ZCCHC17: variants seen among roughly 807,000 people sequenced by gnomAD.
ZCCHC17 encodes the protein zinc finger CCHC-type containing 17.
ZCCHC17 carries 18 observed loss-of-function variants against 30.6 expected under a neutral mutation model. The observed-to-expected ratio is 0.59, with a 90% CI of 0.41 to 0.87. The LOEUF is 0.87. Among genes scored for constraint, ZCCHC17 ranks in the 40% least tolerant of loss-of-function variants. The pLI, the probability that ZCCHC17 is intolerant of heterozygous loss-of-function variation, is 0.00. For missense variants in ZCCHC17, 263 were observed against 284.2 expected, an observed-to-expected ratio of 0.93 and a Z score of 0.54; for synonymous variants, 88 against 92.4, an observed-to-expected ratio of 0.95 and a Z score of 0.27.
chr1:31,346,745 G>C lies in ZCCHC17; in HGVS notation c.418+5G>C, dbSNP rs1332904233. ...GCAAGAAGTGTGGCTGTAAAGGTAG[G>C]GTGAAGCCTCTGCCCTTTCCACGTT... On this transcript the variant is annotated splice_donor_5th_base_variant and intron_variant, in intron 6 of 7. Coordinates refer to ENST00000344147, the MANE Select transcript of ZCCHC17 (RefSeq NM_016505.4). 6.2e-7 allele frequency: 1 copy of C among 1,614,132 alleles called. No homozygotes were observed. The highest frequency in any genetic ancestry group is 2.2e-5 in the East Asian group (1 of 44,876).
chr1:31,342,521 C>T lies in ZCCHC17; in HGVS notation c.317+3473C>T, dbSNP rs77850950. ...GGAATGGTTTTGGGATGAAACCGTT[C>T]CACCTTAGATCATCAGGCATTAAAT... is the stretch of plus-strand genomic sequence containing the variant. On this transcript the variant is annotated intron_variant, in intron 5 of 7. Transcript: ENST00000344147. 8.5e-3 allele frequency among the ~76,000 whole-genome samples: 1,294 copies of T among 152,288 alleles called. 8 individuals carry two copies. Among genetic ancestry groups the T allele is most frequent in the Middle Eastern group, 0.014 (4 of 294 alleles).
intron 1 of ZCCHC17, among the ~76,000 whole-genome samples, chr1:31,304,408 C>T (rs550701939): frequency 4.5e-4 from 69 of 151,910 alleles, no homozygotes; most frequent in African/African-American, 1.7e-3. Context: ...CTCAGTCTCC[C>T]GAGTAGCTGG....
At chr1:31,340,517 A>G (rs1245217730) in intron 5 of ZCCHC17, among the ~76,000 whole-genome samples, 5 of 151,954 alleles carry the variant, frequency 3.3e-5, no homozygotes, top group Admixed American at 2.0e-4. Flanking sequence ...GGGTTTCTCT[A>G]TGTTGGTCGG....
At chr1:31,314,552 T>C (rs933556525) in intron 2 of ZCCHC17, among the ~76,000 whole-genome samples, 1 of 152,110 alleles carries the variant, frequency 6.6e-6, no homozygotes, top group African/African-American at 2.4e-5. Flanking sequence ...ATAGGGAGAC[T>C]CTTCTCAGAA....
intron 5 of ZCCHC17, among the ~76,000 whole-genome samples, chr1:31,339,766 AAG>A (rs1484738328): frequency 6.6e-6 from 1 of 152,086 alleles, no homozygotes; most frequent in African/African-American, 2.4e-5. Flanking sequence ...GACCACGTGG[AAG>A]GGTAGAGTAA....
At chr1:31,313,558 G>A (rs1265754397) in intron 2 of ZCCHC17, among the ~76,000 whole-genome samples, 2 of 152,188 alleles carry the variant, frequency 1.3e-5, no homozygotes, top group Admixed American at 1.3e-4. Context: ...ATCCCAACTT[G>A]TAATATAACA....
chr1:31,337,062 T>C, intron 3 of ZCCHC17, 113 bp from the exon 4 acceptor site: 1 of 945,596 alleles, frequency 1.1e-6, no homozygotes, highest in East Asian at 2.6e-5. Flanking sequence ...CGCTTTTCAG[T>C]AAAAATTTTC....
intron 7 of ZCCHC17, among the ~76,000 whole-genome samples, chr1:31,349,367 T>C (rs1316454147): frequency 6.6e-6 from 1 of 152,208 alleles, no homozygotes; most frequent in Non-Finnish European, 1.5e-5. Flanking sequence ...TTTTCTTTTT[T>C]TGAGACAGGG....
intron 1 of ZCCHC17, among the ~76,000 whole-genome samples, chr1:31,306,878 A>G (rs941135127): frequency 2.0e-5 from 3 of 151,542 alleles, no homozygotes; most frequent in African/African-American, 4.9e-5. Flanking sequence ...TTGCTCTGTC[A>G]CCAGGCTAGA....
In ZCCHC17 at chr1:31,364,070, T is replaced by A; in HGVS notation, c.603T>A (p.Ser201=). The change falls in exon 8 of 8, where the codon TCT becomes TCA. Residue 201 remains serine, a synonymous_variant. Coordinates refer to ENST00000344147, the MANE Select transcript of ZCCHC17 (RefSeq NM_016505.4). ...KKKKHRDRKS[S]DSDSSDSESD... Reference sequence around the variant, plus strand: ...AGAAACATAGAGATAGGAAGTCATCTGACTCTGACAGCTCAGACTCTGAGA... The same window carrying A: ...AGAAACATAGAGATAGGAAGTCATCAGACTCTGACAGCTCAGACTCTGAGA... The A allele has an allele frequency of 6.2e-7, 1 of 1,613,762 alleles. No individual in the cohort carries two copies.
chr1:31,311,723 G>A (rs1253231485), intron 2 of ZCCHC17, among the ~76,000 whole-genome samples: 1 of 152,232 alleles, frequency 6.6e-6, no homozygotes, highest in African/African-American at 2.4e-5. Context: ...CCATTCATGA[G>A]GGGCCTAAGG....
rs368137798 is a variant in ZCCHC17, at chr1:31,310,180, CT to C, written c.66+19del. On this transcript the variant is annotated intron_variant, in intron 2 of 7. Coordinates refer to ENST00000344147, the MANE Select transcript of ZCCHC17 (RefSeq NM_016505.4). ...CCAAGGAGAGGTATATTCTTTTGTG[CT>C]TTGAAAACCCACCATTTATGTTAAA... The C allele has an allele frequency of 1.5e-3, 2,398 of 1,612,854 alleles. 28 individuals are homozygous for C. The African/African-American group carries it at 0.028, about 19-fold the overall frequency.
chr1:31,334,872 T>G (rs1638751168), intron 3 of ZCCHC17, among the ~76,000 whole-genome samples: 1 of 152,216 alleles, frequency 6.6e-6, no homozygotes, highest in South Asian at 2.1e-4. Flanking sequence ...AAAAATACAT[T>G]GAATATTTTG....
rs1043257968 is a variant in ZCCHC17 at position 31,297,071 on chromosome 1, G to T, written c.-60G>T. On this transcript the variant is annotated 5_prime_UTR_variant, in exon 1 of 8. Coordinates refer to ENST00000344147, the MANE Select transcript of ZCCHC17 (RefSeq NM_016505.4). ...AGCGACTCGGGGACCTGGAGCTGAC[G>T]CCTAGTACGTATGAGGAAGAACGGG... 4.6e-6 allele frequency: 2 copies of T among 437,622 alleles called. No homozygotes were observed. Among genetic ancestry groups the T allele is most frequent in the East Asian group, 3.5e-5 (1 of 28,970 alleles). The allele number at this position is 437,622 out of a possible 1,614,324, so 27.1% of individuals were successfully genotyped here.
intron 3 of ZCCHC17, among the ~76,000 whole-genome samples, chr1:31,327,356 C>T (rs1638395839): frequency 1.3e-5 from 2 of 152,240 alleles, no homozygotes; most frequent in Non-Finnish European, 2.9e-5. Flanking sequence ...GGTTCCATGA[C>T]CACCTACTTA....
chr1:31,347,980 C>G (rs952702789), intron 6 of ZCCHC17, among the ~76,000 whole-genome samples: 5 of 151,022 alleles, frequency 3.3e-5, no homozygotes, highest in African/African-American at 1.2e-4. Flanking sequence ...AACTCAGACA[C>G]AACTAGCAGT....
chr1:31,343,251 G>T (rs866812774), intron 5 of ZCCHC17, among the ~76,000 whole-genome samples: 1 of 152,116 alleles, frequency 6.6e-6, no homozygotes, highest in Non-Finnish European at 1.5e-5. Flanking sequence ...GTAGAGACGG[G>T]GTTTCACCAT....
chr1:31,327,661 A>G (rs1638410376), intron 3 of ZCCHC17, among the ~76,000 whole-genome samples: 1 of 152,130 alleles, frequency 6.6e-6, no homozygotes, highest in Non-Finnish European at 1.5e-5. Flanking sequence ...CAGTGATCAG[A>G]TCGACTGCTG....
chr1:31,310,275 A>G, intron 2 of ZCCHC17, 111 bp downstream of exon 2: 2 of 1,069,488 alleles, frequency 1.9e-6, no homozygotes, highest in South Asian at 3.1e-5. Flanking sequence ...ATTACAGCTT[A>G]AATGGGAAGG....
Sources: allele counts gnomAD v4.1 joint callset (sites outside exome capture counted in the v4.1 genomes callset), GRCh38; gene constraint gnomAD v4.1.1; transcripts MANE v1.5; gene names NCBI Gene and HGNC (gene_info 2026-07-23, HGNC 2026-07-21).